Variants in SCCPDH observed in about 807,000 individuals in gnomAD.
The protein encoded by SCCPDH is saccharopine dehydrogenase (putative), also known as saccharopine dehydrogenase-like oxidoreductase.
SCCPDH carries 34 observed loss-of-function variants against 51.5 expected under a neutral mutation model. The ratio of observed to expected loss-of-function variants is 0.66; its 90% CI spans 0.50 to 0.88. The LOEUF is 0.88. SCCPDH is among the 40% of genes least tolerant of loss of function. The pLI is 0.00. For missense variants in SCCPDH, 464 were observed against 527.1 expected, an observed-to-expected ratio of 0.88 and a Z score of 1.17; for synonymous variants, 187 against 191.3, an observed-to-expected ratio of 0.98 and a Z score of 0.19.
intron 10 of SCCPDH, among the ~76,000 whole-genome samples, 176 bp downstream of exon 10, chr1:246,764,533 A>G (rs910355782): frequency 6.6e-6 from 1 of 152,256 alleles, no homozygotes; most frequent in Non-Finnish European, 1.5e-5. Flanking sequence ...ATATAATCCA[A>G]TTTTATTAGT....
At chr1:246,737,267 C>T (rs1017559065) in intron 3 of SCCPDH, among the ~76,000 whole-genome samples, 44 of 148,610 alleles carry the variant, frequency 3.0e-4, no homozygotes, top group Admixed American at 2.7e-4. Context: ...AGGTGGCTCA[C>T]GCCTGTTACC....
rs1381486348 is a variant in SCCPDH at position 246,758,100 on chromosome 1, TA to T, written c.565-123del. On this transcript the variant is annotated intron_variant, in intron 5 of 11. Transcript: ENST00000366510. ...TCATGAAAATTCTCCTCAAGATTATTAAATCAGGGATTATGTCTTGTCCAAA... is the reference window on the plus strand; with the variant it reads ...TCATGAAAATTCTCCTCAAGATTATTAATCAGGGATTATGTCTTGTCCAAA... 7.1e-6 allele frequency: 5 copies of T among 700,744 alleles called. No individual in the cohort carries two copies. In the South Asian group the frequency reaches 1.5e-4, roughly 20 times the overall value. The allele number at this position is 700,744 out of a possible 1,614,324, so 43.4% of individuals were successfully genotyped here.
At chr1:246,736,116 G>A (rs1668585971) in intron 3 of SCCPDH, 61 bp downstream of exon 3, 1 of 1,082,820 alleles carries the variant, frequency 9.2e-7, no homozygotes, top group African/African-American at 1.6e-5. Context: ...TAATGAAGTG[G>A]AAATATTTAG....
At chr1:246,726,121 T>C (rs912684530) in intron 1 of SCCPDH, among the ~76,000 whole-genome samples, 4 of 152,222 alleles carry the variant, frequency 2.6e-5, no homozygotes, top group African/African-American at 7.2e-5. Context: ...CTTTCCAAAG[T>C]GCTGGGATTA....
intron 2 of SCCPDH, among the ~76,000 whole-genome samples, chr1:246,729,584 C>T (rs1052781596): frequency 1.7e-4 from 26 of 152,182 alleles, no homozygotes; most frequent in African/African-American, 6.0e-4. Context: ...CTGTTATCCT[C>T]TTCCTTTTTT....
chr1:246,747,593 G>C (rs575451690), intron 5 of SCCPDH, among the ~76,000 whole-genome samples: 1 of 152,204 alleles, frequency 6.6e-6, no homozygotes, highest in Non-Finnish European at 1.5e-5. Flanking sequence ...GGTGCATCTC[G>C]TGGATGGAGC....
intron 10 of SCCPDH, among the ~76,000 whole-genome samples, 161 bp from the exon 11 acceptor site, chr1:246,765,893 TAATA>T (rs1426524255): frequency 2.0e-5 from 3 of 152,372 alleles, no homozygotes; most frequent in South Asian, 2.1e-4. Flanking sequence ...TCCTAACACT[TAATA>T]AATACTTTCG....
chr1:246,764,309 G>A lies in SCCPDH; in HGVS notation c.1054G>A (p.Asp352Asn), dbSNP rs1669059246. The A allele has an allele frequency of 5.0e-6, 8 of 1,613,746 alleles. No individual in the cohort carries two copies. Among genetic ancestry groups the A allele is most frequent in the South Asian group, 1.1e-5 (1 of 90,996 alleles). ...AGGATACAGCCAAGGCACTGGTACAGATAAGAACAAACCAAATATCAAAAT... is the reference window on the plus strand; with the variant it reads ...AGGATACAGCCAAGGCACTGGTACAAATAAGAACAAACCAAATATCAAAAT... ...GQGYSQGTGT[D>N]KNKPNIKICT... is the part of the protein sequence containing the mutation. The change falls in exon 10 of 12, where the codon GAT (aspartate) becomes AAT (asparagine). Residue 352 changes from aspartate (D) to asparagine (N), a missense_variant. Transcript: ENST00000366510.
At chr1:246,724,817 G>A (rs922821700) in intron 1 of SCCPDH, among the ~76,000 whole-genome samples, 4 of 152,206 alleles carry the variant, frequency 2.6e-5, no homozygotes, top group African/African-American at 9.6e-5. Context: ...GCGCGTGCGT[G>A]TATAATATAC....
chr1:246,748,021 TTATTC>T (rs985984993), intron 5 of SCCPDH, among the ~76,000 whole-genome samples: 31 of 152,320 alleles, frequency 2.0e-4, no homozygotes, highest in African/African-American at 6.0e-4. Context: ...GAAGAGGAAT[TTATTC>T]TATCCTACAA....
intron 5 of SCCPDH, among the ~76,000 whole-genome samples, chr1:246,752,764 G>C (rs3007325): frequency 0.98 from 149,512 of 152,214 alleles, 73,485 homozygotes; most frequent in East Asian, 1. Flanking sequence ...ATATAGAGGC[G>C]TAAGCCAAAT....
chr1:246,735,119 C>G (rs1281801627), intron 2 of SCCPDH, among the ~76,000 whole-genome samples: 1 of 152,180 alleles, frequency 6.6e-6, no homozygotes. Context: ...ATCGTCTGTG[C>G]TATAAGTCTT....
chr1:246,755,378 G>A (rs558500925), intron 5 of SCCPDH: 1 of 152,270 alleles, frequency 6.6e-6, no homozygotes, highest in Non-Finnish European at 1.5e-5. Flanking sequence ...AAGGCAGAAA[G>A]ACACTCTTGG....
intron 6 of SCCPDH, 65 bp from the exon 7 acceptor site, chr1:246,758,969 C>A: frequency 1.1e-6 from 1 of 940,836 alleles, no homozygotes; most frequent in South Asian, 1.3e-5. Flanking sequence ...TTTGCTTATT[C>A]AGACATTTAC....
At chr1:246,754,135 C>G (rs1353947986) in intron 5 of SCCPDH, among the ~76,000 whole-genome samples, 1 of 152,020 alleles carries the variant, frequency 6.6e-6, no homozygotes, top group Non-Finnish European at 1.5e-5. Flanking sequence ...CACACACTTT[C>G]AACCCCCGCA....
chr1:246,743,827 C>G lies in SCCPDH; in HGVS notation c.515-249C>G, dbSNP rs1004973387. Among the ~76,000 whole-genome samples, 6 of 152,152 alleles carry G rather than the reference C, an allele frequency of 3.9e-5. No individual in the cohort carries two copies. In the South Asian group the frequency reaches 8.3e-4, roughly 21 times the overall value. On this transcript the variant is annotated intron_variant, in intron 4 of 11. Transcript: ENST00000366510. ...GAATATCTTCAAAATATTCAGTGTT[C>G]CAATCCTTAGACCTAATAGAGATAG...
chr1:246,734,008 T>G (rs1039183299), intron 2 of SCCPDH, among the ~76,000 whole-genome samples: 2 of 152,154 alleles, frequency 1.3e-5, no homozygotes, highest in African/African-American at 4.8e-5. Context: ...GGAGAATGTC[T>G]GGGGCAGTGA....
intron 11 of SCCPDH, among the ~76,000 whole-genome samples, chr1:246,766,858 C>G (rs1669092238): frequency 6.6e-6 from 1 of 151,998 alleles, no homozygotes; most frequent in African/African-American, 2.4e-5. Context: ...CCATTCGGGT[C>G]TTTCTTTAAT....
intron 11 of SCCPDH, 47 bp downstream of exon 11, chr1:246,766,186 A>T: frequency 7.8e-7 from 1 of 1,277,970 alleles, no homozygotes; most frequent in Non-Finnish European, 1.1e-6. Flanking sequence ...TATCTATGTT[A>T]TATTTTAGCT....
Sources: gnomAD v4.1 joint callset for allele counts (sites outside exome capture counted in the v4.1 genomes callset) on GRCh38, gnomAD v4.1.1 for gene constraint, MANE v1.5 for transcripts, NCBI Gene and HGNC (gene_info 2026-07-23, HGNC 2026-07-21) for gene names.